SH2D4A: variants seen among roughly 807,000 people sequenced by gnomAD.
SH2D4A encodes SH2 domain-containing protein 4A.
In SH2D4A, 70 loss-of-function variants were observed where a neutral mutation model predicts 64.7. The observed-to-expected ratio is 1.08, with a 90% CI of 0.89 to 1.32. The LOEUF (loss-of-function observed/expected upper bound fraction) is 1.32, where lower values mean the gene tolerates loss of function less well. SH2D4A is among the 40% of genes most tolerant of loss of function. The probability of loss-of-function intolerance (pLI) is 0.00; values close to 1 mark genes in which losing one functional copy is unlikely to be tolerated. For synonymous variants in SH2D4A, 268 were observed against 200.7 expected, an observed-to-expected ratio of 1.34 and a Z score of -2.83; for missense variants, 706 against 540.1, an observed-to-expected ratio of 1.31 and a Z score of -3.04.
intron 1 of SH2D4A, chr8:19,314,113 A>T (rs2117154740): frequency 8.2e-3 from 1,938 of 237,234 alleles, no homozygotes; most frequent in Non-Finnish European, 0.012. Context: ...GGGGGCTTGC[A>T]GGGGGTGGCG....
At chr8:19,332,844 T>G in intron 2 of SH2D4A, 111 bp from the exon 3 acceptor site, 4 of 517,566 alleles carry the variant, frequency 7.7e-6, no homozygotes, top group Non-Finnish European at 1.1e-5. Flanking sequence ...TCTCATCTGA[T>G]ATATATATAT....
chr8:19,364,582 C>T (rs566281441), intron 7 of SH2D4A, among the ~76,000 whole-genome samples: 1 of 151,944 alleles, frequency 6.6e-6, no homozygotes, highest in South Asian at 2.1e-4. Context: ...CTTTCCCTCC[C>T]CCGCCCCCCT....
intron 8 of SH2D4A, among the ~76,000 whole-genome samples, chr8:19,376,572 A>C (rs2053200149): frequency 6.6e-6 from 1 of 152,134 alleles, no homozygotes; most frequent in Non-Finnish European, 1.5e-5. Flanking sequence ...TAGCGAGCTG[A>C]GATTGTGCCA....
At chr8:19,367,352 T>C (rs754083408) in intron 7 of SH2D4A, among the ~76,000 whole-genome samples, 6 of 152,192 alleles carry the variant, frequency 3.9e-5, no homozygotes, top group Non-Finnish European at 8.8e-5. Context: ...TACTAATTTA[T>C]ATTCTTACTA....
intron 4 of SH2D4A, among the ~76,000 whole-genome samples, chr8:19,346,518 TATG>T (rs1330225658): frequency 1.3e-5 from 2 of 152,214 alleles, no homozygotes; most frequent in South Asian, 4.1e-4. Context: ...CATTATGAAT[TATG>T]ATGAGTATGT....
intron 4 of SH2D4A, among the ~76,000 whole-genome samples, chr8:19,346,645 G>A (rs757362069): frequency 2.6e-5 from 4 of 152,184 alleles, no homozygotes; most frequent in Non-Finnish European, 5.9e-5. Context: ...ATCAGTCGCC[G>A]ATGCCAAAAA....
intron 2 of SH2D4A, among the ~76,000 whole-genome samples, chr8:19,330,078 C>G (rs746751318): frequency 6.6e-6 from 1 of 152,206 alleles, no homozygotes; most frequent in Non-Finnish European, 1.5e-5. Context: ...TCTTTCATCC[C>G]TTTCATTCCT....
chr8:19,366,981 G>A (rs866463628), intron 7 of SH2D4A, among the ~76,000 whole-genome samples: 26 of 152,170 alleles, frequency 1.7e-4, no homozygotes, highest in African/African-American at 5.1e-4. Flanking sequence ...ACTTCATACC[G>A]TTGTTTATGA....
At chr8:19,377,633 G>C (rs751436010) in intron 8 of SH2D4A, among the ~76,000 whole-genome samples, 6 of 151,974 alleles carry the variant, frequency 3.9e-5, no homozygotes, top group African/African-American at 1.2e-4. Context: ...ACATAGACAG[G>C]CTCATTCATT....
chr8:19,362,622 C>T lies in SH2D4A; in HGVS notation c.706+1308C>T, dbSNP rs1274341893. Among the ~76,000 whole-genome samples, 9 of 152,098 alleles carry T rather than the reference C, an allele frequency of 5.9e-5. No individual in the cohort carries two copies. In the South Asian group the frequency reaches 1.0e-3, roughly 18 times the overall value. On this transcript the variant is annotated intron_variant, in intron 6 of 9. Coordinates refer to ENST00000265807, the MANE Select transcript of SH2D4A (RefSeq NM_022071.4). ...GGTTGTGGTGGCGTACACCTGTAGT[C>T]CCAGCTACTCAGGAGGCTGAGGCAG...
In SH2D4A at chr8:19,364,083, A is replaced by C. The variant is rs1445186430; in HGVS notation, c.718A>C (p.Lys240Gln). The C allele has an allele frequency of 4.3e-6, 7 of 1,613,842 alleles. No individual in the cohort carries two copies. The South Asian group carries it at 6.6e-5, about 15-fold the overall frequency. The change falls in exon 7 of 10, where the codon AAA (lysine) becomes CAA (glutamine). Residue 240 changes from lysine (K) to glutamine (Q), a missense_variant. Physicochemically the swap from Lys to Gln is moderately conservative, Grantham distance 53. Coordinates refer to ENST00000265807, the MANE Select transcript of SH2D4A (RefSeq NM_022071.4). ...SEWQASLRKS[K>Q]AADEKRRSLA... is the part of the protein sequence containing the mutation. ...CGTTGTTTTTCCAGTGCGAAAATCC[A>C]AAGCAGCTGATGAGAAGAGACGCTC...
At chr8:19,381,604 CAG>C (rs2053294266) in intron 8 of SH2D4A, among the ~76,000 whole-genome samples, 1 of 152,148 alleles carries the variant, frequency 6.6e-6, no homozygotes, top group Non-Finnish European at 1.5e-5. Flanking sequence ...CATCTGACAA[CAG>C]AGATAATTTA....
chr8:19,353,722 A>G (rs1229860451), intron 4 of SH2D4A, among the ~76,000 whole-genome samples: 3 of 137,140 alleles, frequency 2.2e-5, no homozygotes, highest in Non-Finnish European at 4.7e-5. Flanking sequence ...TTTGGATCCC[A>G]CATTTTCACT....
At chr8:19,389,472 C>A (rs763778404) in intron 8 of SH2D4A, among the ~76,000 whole-genome samples, 1 of 152,172 alleles carries the variant, frequency 6.6e-6, no homozygotes, top group African/African-American at 2.4e-5. Context: ...GGAGTGGGAC[C>A]TCCTCCAGCT....
intron 2 of SH2D4A, among the ~76,000 whole-genome samples, chr8:19,323,160 G>A (rs570285493): frequency 8.7e-4 from 132 of 152,102 alleles, no homozygotes; most frequent in Middle Eastern, 6.8e-3. Context: ...CAGCCGCACC[G>A]TCCAGTGCAG....
At chr8:19,383,789 C>T (rs1464363320) in intron 8 of SH2D4A, among the ~76,000 whole-genome samples, 1 of 151,830 alleles carries the variant, frequency 6.6e-6, no homozygotes, top group East Asian at 1.9e-4. Context: ...TTTTGAATGC[C>T]CTAGTCTTTA....
intron 7 of SH2D4A, among the ~76,000 whole-genome samples, 162 bp from the exon 8 acceptor site, chr8:19,373,368 A>G (rs536233514): frequency 1.7e-4 from 26 of 151,262 alleles, no homozygotes; most frequent in Admixed American, 2.6e-4. Context: ...ATATGTATAT[A>G]TATTTGCATG....
chr8:19,368,264 G>C (rs1292986706), intron 7 of SH2D4A, among the ~76,000 whole-genome samples: 2 of 152,116 alleles, frequency 1.3e-5, no homozygotes, highest in Non-Finnish European at 2.9e-5. Flanking sequence ...CTATAGATTT[G>C]TAGTATATTT....
At chr8:19,314,727 A>G (rs2052057209) in intron 1 of SH2D4A, among the ~76,000 whole-genome samples, 1 of 152,158 alleles carries the variant, frequency 6.6e-6, no homozygotes, top group Non-Finnish European at 1.5e-5. Flanking sequence ...AATAGTGAAT[A>G]AATAAGTGGA....
Sources: allele counts gnomAD v4.1 joint callset (sites outside exome capture counted in the v4.1 genomes callset), GRCh38; gene constraint gnomAD v4.1.1; transcripts MANE v1.5; gene names NCBI Gene and HGNC (gene_info 2026-07-23, HGNC 2026-07-21).